Variants in TNFRSF19 observed in about 807,000 individuals in gnomAD.
TNFRSF19 encodes tumor necrosis factor receptor superfamily member 19.
A neutral mutation model predicts 46.4 loss-of-function variants in TNFRSF19; 27 were observed. The ratio of observed to expected loss-of-function variants is 0.58; its 90% CI spans 0.43 to 0.80. TNFRSF19 has a LOEUF of 0.80. Among genes scored for constraint, TNFRSF19 ranks in the 30% least tolerant of loss-of-function variants. The pLI, the probability that TNFRSF19 is intolerant of heterozygous loss-of-function variation, is 0.00. For synonymous variants in TNFRSF19, 204 were observed against 205.0 expected (o/e 1.00, Z 0.04); for missense variants, 511 against 530.8 (o/e 0.96, Z 0.37).
rs142205179 is a variant in TNFRSF19, at chr13:23,623,726, A to T, written c.360-2981A>T. On this transcript the variant is annotated intron_variant, in intron 4 of 9. Transcript: ENST00000248484. Reference sequence around the variant, plus strand: ...TCAGGGATGATTAGTGATGTTGAACATGTTTTTATATACCTGTCAGCCATG... The same window carrying T: ...TCAGGGATGATTAGTGATGTTGAACTTGTTTTTATATACCTGTCAGCCATG... Among the ~76,000 whole-genome samples, 1,434 of 152,264 alleles carry T rather than the reference A, an allele frequency of 9.4e-3. 25 individuals carry two copies. The highest frequency in any genetic ancestry group is 0.033 in the African/African-American group (1,353 of 41,554).
intron 3 of TNFRSF19, among the ~76,000 whole-genome samples, chr13:23,614,652 A>G (rs911589824): frequency 2.0e-5 from 3 of 151,874 alleles, no homozygotes; most frequent in Non-Finnish European, 4.4e-5. Context: ...TTTTTTGTTA[A>G]TGATGAGTGT....
intron 9 of TNFRSF19, among the ~76,000 whole-genome samples, chr13:23,670,348 A>G (rs1951738992): frequency 6.6e-6 from 1 of 152,134 alleles, no homozygotes; most frequent in Non-Finnish European, 1.5e-5. Flanking sequence ...AATTATCTGG[A>G]GAACTTTTAG....
chr13:23,631,097 A>G (rs1882335989), intron 5 of TNFRSF19, among the ~76,000 whole-genome samples: 1 of 152,206 alleles, frequency 6.6e-6, no homozygotes, highest in South Asian at 2.1e-4. Context: ...CACATTATTA[A>G]AAGTTTATTA....
At chr13:23,652,887 C>T (rs1008980811) in intron 5 of TNFRSF19, among the ~76,000 whole-genome samples, 3 of 152,108 alleles carry the variant, frequency 2.0e-5, no homozygotes, top group Non-Finnish European at 2.9e-5. Flanking sequence ...TGCCAGGAAC[C>T]CTTATAGATG....
intron 3 of TNFRSF19, among the ~76,000 whole-genome samples, chr13:23,610,362 C>G (rs1880809883): frequency 6.6e-6 from 1 of 152,214 alleles, no homozygotes; most frequent in African/African-American, 2.4e-5. Context: ...CATTTTGCTA[C>G]TGGAAAACCA....
rs1187062692 is a variant in TNFRSF19, at chr13:23,675,171, C to T, written c.*1791C>T. 6.6e-6 allele frequency: 1 copy of T among 152,196 alleles called. No homozygotes were observed. The highest frequency in any genetic ancestry group is 1.5e-5 in the Non-Finnish European group (1 of 68,036). The allele number at this position is 152,196 out of a possible 1,614,324, so 9.4% of individuals were successfully genotyped here. ...GTAAAATATTTAGGATTTGACCACACAATGGCTATGAAAATGCAAGTAGTT... is the reference window on the plus strand; with the variant it reads ...GTAAAATATTTAGGATTTGACCACATAATGGCTATGAAAATGCAAGTAGTT... On this transcript the variant is annotated 3_prime_UTR_variant, in exon 10 of 10. Transcript: ENST00000248484.
intron 3 of TNFRSF19, among the ~76,000 whole-genome samples, chr13:23,613,692 C>T (rs563181794): frequency 1.3e-5 from 2 of 152,272 alleles, no homozygotes; most frequent in Non-Finnish European, 2.9e-5. Context: ...AGGTGGAGAC[C>T]ACCCCCAGAA....
intron 1 of TNFRSF19, among the ~76,000 whole-genome samples, chr13:23,585,236 G>C (rs1348796288): frequency 6.6e-6 from 1 of 152,008 alleles, no homozygotes; most frequent in Non-Finnish European, 1.5e-5. Flanking sequence ...GTTACCAATT[G>C]CATGCACTGC....
chr13:23,574,628 G>A (rs556648146), intron 1 of TNFRSF19, among the ~76,000 whole-genome samples: 1 of 152,158 alleles, frequency 6.6e-6, no homozygotes, highest in Non-Finnish European at 1.5e-5. Flanking sequence ...GGTTTAGTCG[G>A]ATTCTCTTTC....
At chr13:23,646,689 G>A (rs1466939472) in intron 5 of TNFRSF19, among the ~76,000 whole-genome samples, 1 of 152,202 alleles carries the variant, frequency 6.6e-6, no homozygotes, top group East Asian at 1.9e-4. Context: ...GTCATCTGCT[G>A]ATGGACGACT....
chr13:23,637,656 T>C (rs1822951299), intron 5 of TNFRSF19, among the ~76,000 whole-genome samples: 1 of 150,706 alleles, frequency 6.6e-6, no homozygotes. Flanking sequence ...TGCACAGATA[T>C]ACATTTTTTT....
chr13:23,580,010 T>C (rs939189659), intron 1 of TNFRSF19, among the ~76,000 whole-genome samples: 1 of 152,162 alleles, frequency 6.6e-6, no homozygotes, highest in African/African-American at 2.4e-5. Context: ...CGGCCCAGGG[T>C]ATATTCCTTC....
intron 3 of TNFRSF19, among the ~76,000 whole-genome samples, chr13:23,608,948 G>A (rs1475425686): frequency 6.6e-6 from 1 of 152,140 alleles, no homozygotes; most frequent in Non-Finnish European, 1.5e-5. Flanking sequence ...ATCTGTTTCC[G>A]GTCCTCCATG....
intron 1 of TNFRSF19, among the ~76,000 whole-genome samples, chr13:23,583,715 G>A (rs958709225): frequency 6.6e-6 from 1 of 152,180 alleles, no homozygotes; most frequent in Non-Finnish European, 1.5e-5. Context: ...ACTACAAATG[G>A]TGTAAAGAGT....
At chr13:23,590,977 AT>A (rs879861500) in intron 2 of TNFRSF19, among the ~76,000 whole-genome samples, 32 of 152,342 alleles carry the variant, frequency 2.1e-4, no homozygotes, top group Middle Eastern at 3.4e-3. Context: ...ATAGTTGTTT[AT>A]ATTCTTCTTG....
At chr13:23,575,469 A>T (rs938327215) in intron 1 of TNFRSF19, among the ~76,000 whole-genome samples, 3 of 152,204 alleles carry the variant, frequency 2.0e-5, no homozygotes, top group Non-Finnish European at 4.4e-5. Flanking sequence ...TCAGGAAGTC[A>T]CTGGGCATTG....
chr13:23,668,925 G>T lies in TNFRSF19; in HGVS notation c.1073G>T (p.Gly358Val). Residue 358 changes from glycine to valine, a missense_variant, in exon 9 of 10, where the codon GGG becomes GTG. Coordinates refer to ENST00000248484, the MANE Select transcript of TNFRSF19 (RefSeq NM_148957.4). ...AATAGCAGTCAAGATTTGGTTGGTGGGGCTGTTCCAGTCCAGTCTCATTCT... is the reference window on the plus strand; with the variant it reads ...AATAGCAGTCAAGATTTGGTTGGTGTGGCTGTTCCAGTCCAGTCTCATTCT... ...DSNSSQDLVG[G>V]AVPVQSHSEN... is the part of the protein sequence containing the mutation. The T allele has an allele frequency of 6.2e-7, 1 of 1,614,158 alleles. No individual in the cohort carries two copies. The highest frequency in any genetic ancestry group is 8.5e-7 in the Non-Finnish European group (1 of 1,180,016).
At chr13:23,602,756 A>G (rs772706715) in intron 3 of TNFRSF19, among the ~76,000 whole-genome samples, 7 of 152,144 alleles carry the variant, frequency 4.6e-5, no homozygotes, top group Non-Finnish European at 1.0e-4. Context: ...ACACTTCTAA[A>G]TAACACATGG....
intron 9 of TNFRSF19, among the ~76,000 whole-genome samples, chr13:23,671,329 T>A (rs900393015): frequency 6.6e-6 from 1 of 152,102 alleles, no homozygotes; most frequent in Non-Finnish European, 1.5e-5. Flanking sequence ...TAATGAAAGG[T>A]TTTTACTAAC....
Sources: allele counts gnomAD v4.1 joint callset (sites outside exome capture counted in the v4.1 genomes callset), GRCh38; gene constraint gnomAD v4.1.1; transcripts MANE v1.5; gene names NCBI Gene and HGNC (gene_info 2026-07-23, HGNC 2026-07-21).